The following ZNF420 variants were observed in gnomAD, a reference collection of about 807,000 sequenced individuals.
ZNF420 encodes ATM and p53-associated KZNF protein.
Under a neutral mutation model 44.7 loss-of-function variants are expected in ZNF420, and 31 were observed. The observed-to-expected ratio is 0.69, with a 90% CI of 0.52 to 0.94. The LOEUF is 0.94. ZNF420 is among the 40% of genes least tolerant of loss of function. The probability of loss-of-function intolerance (pLI) is 0.00; values close to 1 mark genes in which losing one functional copy is unlikely to be tolerated. For missense variants in ZNF420, 681 were observed against 827.9 expected (o/e 0.82, Z 2.18); for synonymous variants, 245 against 267.4 (o/e 0.92, Z 0.82).
intron 3 of ZNF420, among the ~76,000 whole-genome samples, chr19:37,090,498 G>T (rs1228421972): frequency 1.3e-5 from 2 of 152,134 alleles, no homozygotes; most frequent in African/African-American, 2.4e-5. Flanking sequence ...GACAGAGCAA[G>T]ACCCTGTCTC....
intron 1 of ZNF420, among the ~76,000 whole-genome samples, chr19:37,059,913 CTGTA>C (rs1243058839): frequency 6.6e-6 from 1 of 151,952 alleles, no homozygotes; most frequent in South Asian, 2.1e-4. Context: ...CTCCCTCTGT[CTGTA>C]TGTGTGTGTG....
chr19:37,091,250 T>C, intron 4 of ZNF420, 129 bp downstream of exon 4: 1 of 972,758 alleles, frequency 1.0e-6, no homozygotes, highest in Non-Finnish European at 1.4e-6. Context: ...AGTTTGAAAT[T>C]ACTGGAAGTA....
At chr19:37,123,619 T>TTTA (rs1971182379) in intron 4 of ZNF420, among the ~76,000 whole-genome samples, 1 of 144,548 alleles carries the variant, frequency 6.9e-6, no homozygotes, top group African/African-American at 2.6e-5. Flanking sequence ...TTTTTTTTTT[T>TTTA]TTTGAGCGGA....
chr19:37,091,992 T>C lies in ZNF420; in HGVS notation c.136+871T>C, dbSNP rs764218847. ...ATGAATATGCTAGAATCATCTTTTA[T>C]TGTAAAATAGTTGAGGGGGAACCTG... On this transcript the variant is annotated intron_variant, in intron 4 of 4. Coordinates refer to ENST00000337995, the MANE Select transcript of ZNF420 (RefSeq NM_144689.5). 2.6e-5 allele frequency: 4 copies of C among 152,272 alleles called. No individual in the cohort carries two copies. The East Asian group carries it at 5.8e-4, about 22-fold the overall frequency. The allele number at this position is 152,272 out of a possible 1,614,324, so 9.4% of individuals were successfully genotyped here.
At chr19:37,073,241 C>T (rs925763943) in intron 1 of ZNF420, among the ~76,000 whole-genome samples, 2 of 152,026 alleles carry the variant, frequency 1.3e-5, no homozygotes, top group African/African-American at 2.4e-5. Context: ...CATAATACTG[C>T]GTAAAATTTT....
At chr19:37,121,479 A>G (rs1427226881) in intron 4 of ZNF420, among the ~76,000 whole-genome samples, 1 of 151,098 alleles carries the variant, frequency 6.6e-6, no homozygotes, top group African/African-American at 2.4e-5. Flanking sequence ...TTAATTCAAG[A>G]TGGATTAAAG....
At chr19:37,013,602 A>G (rs754506945) in intron 1 of ZNF420, among the ~76,000 whole-genome samples, 5 of 152,110 alleles carry the variant, frequency 3.3e-5, no homozygotes, top group Non-Finnish European at 7.4e-5. Context: ...TCCCATTTGG[A>G]TCTGATTTTG....
At chr19:37,104,636 C>T (rs1172159231) in intron 4 of ZNF420, among the ~76,000 whole-genome samples, 1 of 152,210 alleles carries the variant, frequency 6.6e-6, no homozygotes, top group African/African-American at 2.4e-5. Context: ...TCCACATCCT[C>T]TCCAGCACCT....
intron 1 of ZNF420, among the ~76,000 whole-genome samples, chr19:37,049,809 G>A (rs1283571220): frequency 1.3e-5 from 2 of 152,274 alleles, no homozygotes; most frequent in African/African-American, 4.8e-5. Context: ...GTCCTGAATG[G>A]TATTGCCTAC....
chr19:37,088,580 A>G (rs1211516304), intron 2 of ZNF420, among the ~76,000 whole-genome samples: 1 of 152,218 alleles, frequency 6.6e-6, no homozygotes, highest in East Asian at 1.9e-4. Flanking sequence ...GTACACATGA[A>G]CACACATATA....
chr19:37,103,967 A>ATTTTTTTTTT (rs58366687), intron 4 of ZNF420, among the ~76,000 whole-genome samples: 1 of 144,272 alleles, frequency 6.9e-6, no homozygotes, highest in Non-Finnish European at 1.5e-5. Context: ...CTCTTCTCTC[A>ATTTTTTTTTT]TTTTTTTTTT....
At chr19:37,039,467 T>G (rs987283756) in intron 1 of ZNF420, among the ~76,000 whole-genome samples, 1 of 152,176 alleles carries the variant, frequency 6.6e-6, no homozygotes, top group African/African-American at 2.4e-5. Flanking sequence ...GTCAATAAGC[T>G]GACGTATTTG....
intron 4 of ZNF420, among the ~76,000 whole-genome samples, chr19:37,117,375 C>G (rs1243352245): frequency 6.6e-6 from 1 of 152,226 alleles, no homozygotes; most frequent in Non-Finnish European, 1.5e-5. Flanking sequence ...TGGAGTGGAC[C>G]TCTAGCAAAC....
At chr19:37,123,599 C>CTTTTTTTTTTTTTTTTTTTTTTTTT (rs762782458) in intron 4 of ZNF420, among the ~76,000 whole-genome samples, 3 of 80,358 alleles carry the variant, frequency 3.7e-5, no homozygotes, top group Non-Finnish European at 4.4e-5. Flanking sequence ...TTACTCTTGT[C>CTTTTTTTTTTTTTTTTTTTTTTTTT]TTTTTTTTTT....
intron 4 of ZNF420, among the ~76,000 whole-genome samples, chr19:37,118,305 G>T (rs928404262): frequency 6.6e-6 from 1 of 152,252 alleles, no homozygotes; most frequent in East Asian, 1.9e-4. Context: ...CAGAAGAGAA[G>T]GGGGGCCAAT....
chr19:37,010,927 C>T (rs1023130535), intron 1 of ZNF420, among the ~76,000 whole-genome samples: 1 of 152,262 alleles, frequency 6.6e-6, no homozygotes. Flanking sequence ...CCTCACGGCT[C>T]TTCTCTGAAA....
intron 1 of ZNF420, among the ~76,000 whole-genome samples, chr19:37,049,389 C>CT (rs1041642020): frequency 7.2e-5 from 11 of 152,318 alleles, no homozygotes; most frequent in Admixed American, 7.2e-4. Context: ...TGTTTCCTGA[C>CT]TTATTAATGA....
At chr19:37,021,936 C>CAAAAAAAAAAAAAAAAAAAA (rs60559933) in intron 1 of ZNF420, among the ~76,000 whole-genome samples, 1 of 84,588 alleles carries the variant, frequency 1.2e-5, no homozygotes, top group Non-Finnish European at 2.3e-5. Flanking sequence ...CAGTCTGTCT[C>CAAAAAAAAAAAAAAAAAAAA]AAAAAAAAAA....
intron 1 of ZNF420, among the ~76,000 whole-genome samples, chr19:37,054,385 T>C (rs1967703775): frequency 6.6e-6 from 1 of 152,156 alleles, no homozygotes; most frequent in Admixed American, 6.5e-5. Context: ...TTTCTGACAT[T>C]CCCCAGTGAG....
Sources: gnomAD v4.1 joint callset for allele counts (sites outside exome capture counted in the v4.1 genomes callset) on GRCh38, gnomAD v4.1.1 for gene constraint, MANE v1.5 for transcripts, NCBI Gene and HGNC (gene_info 2026-07-23, HGNC 2026-07-21) for gene names.